KSR1: variants seen among roughly 807,000 people sequenced by gnomAD.
The protein encoded by KSR1 is kinase suppressor of ras.
In KSR1, 35 loss-of-function variants were observed where a neutral mutation model predicts 92.9. The ratio of observed to expected loss-of-function variants is 0.38; its 90% CI spans 0.29 to 0.50. The LOEUF (loss-of-function observed/expected upper bound fraction) is 0.50. KSR1 is among the 20% of genes least tolerant of loss of function. KSR1 has a pLI of 0.94. For missense variants in KSR1, 972 were observed against 1,158.5 expected (o/e 0.84, Z 2.34); for synonymous variants, 467 against 472.6 (o/e 0.99, Z 0.15).
At chr17:27,537,322 T>C (rs932198790) in intron 1 of KSR1, among the ~76,000 whole-genome samples, 1 of 152,208 alleles carries the variant, frequency 6.6e-6, no homozygotes, top group African/African-American at 2.4e-5. Context: ...GCATGTGGTT[T>C]ACAGTATGCT....
At chr17:27,461,444 A>G (rs2019432539) in intron 1 of KSR1, among the ~76,000 whole-genome samples, 1 of 152,162 alleles carries the variant, frequency 6.6e-6, no homozygotes, top group African/African-American at 2.4e-5. Context: ...CAGAACTGAG[A>G]CTGAAACCTG....
At chr17:27,467,719 AGTT>A (rs1036939810) in intron 1 of KSR1, among the ~76,000 whole-genome samples, 1 of 151,906 alleles carries the variant, frequency 6.6e-6, no homozygotes, top group Non-Finnish European at 1.5e-5. Flanking sequence ...AAGGGCCTTT[AGTT>A]TAAAATGCTC....
chr17:27,568,423 G>A lies in KSR1; in HGVS notation c.373-9069G>A, dbSNP rs1283594381. On this transcript the variant is annotated intron_variant, in intron 2 of 20. Transcript: ENST00000644974. ...CCACCAGACTCCAAGGCTGGTGCCC[G>A]AGGCCTATTTGATAGTCTGGACGCC... Among the ~76,000 whole-genome samples, 9 of 152,248 alleles carry A rather than the reference G, an allele frequency of 5.9e-5. No individual in the cohort carries two copies. In the South Asian group the frequency reaches 1.4e-3, roughly 25 times the overall value.
chr17:27,465,535 A>T (rs925233319), intron 1 of KSR1: 16 of 152,302 alleles, frequency 1.1e-4, no homozygotes, highest in African/African-American at 3.6e-4. Flanking sequence ...ATTAAAATTT[A>T]AAAAAAGAAG....
intron 1 of KSR1, among the ~76,000 whole-genome samples, chr17:27,507,767 GTTTCTCCATGTTGGTCAGGCT>G (rs1370285599): frequency 6.6e-6 from 1 of 151,508 alleles, no homozygotes; most frequent in Non-Finnish European, 1.5e-5. Flanking sequence ...TAGAGAAAGG[GTTTCTCCATGTTGGTCAGGCT>G]GATCTCGAAC....
chr17:27,492,361 C>G (rs1265648955), intron 1 of KSR1, among the ~76,000 whole-genome samples: 2 of 152,136 alleles, frequency 1.3e-5, no homozygotes, highest in African/African-American at 4.8e-5. Flanking sequence ...AGCTCTGAAA[C>G]TGGGTCTGTT....
rs889248409 is a variant in KSR1 at position 27,459,849 on chromosome 17, G to A, written c.231+2975G>A. Among the ~76,000 whole-genome samples the A allele has an allele frequency of 2.0e-5, 3 of 152,178 alleles. No individual in the cohort carries two copies. Among genetic ancestry groups the A allele is most frequent in the Non-Finnish European group, 2.9e-5 (2 of 68,044 alleles). On this transcript the variant is annotated intron_variant, in intron 1 of 20. Transcript: ENST00000644974. The surrounding 1 kb of genome is among the most constrained non-coding windows in gnomAD (Gnocchi z 4.6). ...AGTGGGTCAGCGTGTCTGGTTGTCC[G>A]GGGATAGCTTTTCTCTGTGTGGTGG...
At chr17:27,582,307 C>T (rs2072793491) in intron 3 of KSR1, among the ~76,000 whole-genome samples, 1 of 152,150 alleles carries the variant, frequency 6.6e-6, no homozygotes, top group Admixed American at 6.5e-5. Flanking sequence ...TTCAGCATTC[C>T]CCATCCCCAA....
At chr17:27,468,641 C>T (rs545705610) in intron 1 of KSR1, among the ~76,000 whole-genome samples, 17 of 152,328 alleles carry the variant, frequency 1.1e-4, no homozygotes, top group South Asian at 2.1e-4. Flanking sequence ...TCCAGCCATC[C>T]GCTTCCAGGC....
intron 1 of KSR1, among the ~76,000 whole-genome samples, chr17:27,490,550 G>C (rs1459328601): frequency 6.6e-6 from 1 of 152,102 alleles, no homozygotes; most frequent in Non-Finnish European, 1.5e-5. Flanking sequence ...AGGATCAGGG[G>C]TGGGGGTTAC....
chr17:27,602,348 C>T (rs761572657), intron 11 of KSR1, among the ~76,000 whole-genome samples: 8 of 152,172 alleles, frequency 5.3e-5, no homozygotes, highest in Non-Finnish European at 1.2e-4. Flanking sequence ...CAGTTTCACA[C>T]CGGTTTTTTG....
chr17:27,614,132 A>G (rs991741155), intron 18 of KSR1, among the ~76,000 whole-genome samples: 1 of 152,202 alleles, frequency 6.6e-6, no homozygotes, highest in Non-Finnish European at 1.5e-5. Context: ...TAAGACATAC[A>G]TATCATAAAA....
At position 27,592,585 on chromosome 17, in the gene KSR1, G is replaced by A. The variant is rs762373149; in HGVS notation, c.1258G>A (p.Glu420Lys). The A allele has an allele frequency of 9.9e-6, 16 of 1,613,794 alleles. No homozygotes were observed. Among genetic ancestry groups the A allele is most frequent in the Middle Eastern group, 1.6e-4 (1 of 6,082 alleles). ...DINNPVDRAA[E>K]PHFGTLPKAL... ...CAACAACCCGGTGGACAGAGCAGCC[G>A]AACCCCATTTTGGAACCCTCCCCAA... Residue 420 changes from glutamate to lysine, a missense_variant, in exon 9 of 21, where the codon GAA becomes AAA. By Grantham distance (56) the Glu-to-Lys change is moderately conservative. Coordinates refer to ENST00000644974, the MANE Select transcript of KSR1 (RefSeq NM_001394583.1).
chr17:27,561,434 G>A (rs2071824009), intron 2 of KSR1, among the ~76,000 whole-genome samples: 1 of 152,142 alleles, frequency 6.6e-6, no homozygotes, highest in Admixed American at 6.5e-5. Context: ...TATCACAGAG[G>A]ATTAATTGAT....
At chr17:27,501,512 C>T (rs2069188855) in intron 1 of KSR1, among the ~76,000 whole-genome samples, 1 of 151,862 alleles carries the variant, frequency 6.6e-6, no homozygotes, top group Admixed American at 6.6e-5. Context: ...GGCCTGGAGG[C>T]CTAGGAGGAA....
chr17:27,526,805 G>A (rs2070320585), intron 1 of KSR1: 8 of 1,001,980 alleles, frequency 8.0e-6, no homozygotes, highest in African/African-American at 4.8e-5. Flanking sequence ...TTCTTGGGCC[G>A]TGGCGTGGTA....
At position 27,456,638 on chromosome 17, in the gene KSR1, C is replaced by T; in HGVS notation, c.-6C>T. On this transcript the variant is annotated 5_prime_UTR_variant, in exon 1 of 21. Transcript: ENST00000644974. ...GCCTCGGCCGCCGCGGCCCCGATGCCGAGGCATGGATAGAGCAGCGCTGCG... is the reference window on the plus strand; with the variant it reads ...GCCTCGGCCGCCGCGGCCCCGATGCTGAGGCATGGATAGAGCAGCGCTGCG... 2 of 520,624 alleles carry T rather than the reference C, an allele frequency of 3.8e-6. No homozygotes were observed. Among genetic ancestry groups the T allele is most frequent in the Non-Finnish European group, 6.6e-6 (2 of 303,060 alleles). The allele number at this position is 520,624 out of a possible 1,614,324, so 32.3% of individuals were successfully genotyped here. A position where few individuals can be genotyped will look rare whatever the true frequency, so the allele number is the denominator to read the frequency against.
rs539049470 is a variant in KSR1 at position 27,539,647 on chromosome 17, A to G, written c.232-10921A>G. ...AGAAGTCCTTTGTTGCCGTTATTCA[A>G]TTGCTTCAGGCACAGGGGAGTTAGG... On this transcript the variant is annotated intron_variant, in intron 1 of 20. Coordinates refer to ENST00000644974, the MANE Select transcript of KSR1 (RefSeq NM_001394583.1). Among the ~76,000 whole-genome samples, 25 of 152,278 alleles carry G rather than the reference A, an allele frequency of 1.6e-4. No homozygotes were observed. The East Asian group carries it at 3.1e-3, about 19-fold the overall frequency.
At chr17:27,576,963 A>G (rs1447637199) in intron 2 of KSR1, among the ~76,000 whole-genome samples, 1 of 152,002 alleles carries the variant, frequency 6.6e-6, no homozygotes, top group Non-Finnish European at 1.5e-5. Context: ...CTCTTTCTTC[A>G]TCTGTCAGGT....
Sources: allele counts gnomAD v4.1 joint callset (sites outside exome capture counted in the v4.1 genomes callset), GRCh38; gene constraint gnomAD v4.1.1; non-coding constraint Gnocchi (gnomAD v3.1); transcripts MANE v1.5; gene names NCBI Gene and HGNC (gene_info 2026-07-23, HGNC 2026-07-21).